Variants in SEMA6A observed in about 807,000 individuals in gnomAD.
SEMA6A encodes semaphorin 6A.
Under a neutral mutation model 96.8 loss-of-function variants are expected in SEMA6A, and 25 were observed. The observed-to-expected ratio is 0.26, with a 90% confidence interval of 0.19 to 0.36. The LOEUF (loss-of-function observed/expected upper bound fraction) is 0.36. Among genes scored for constraint, SEMA6A ranks in the 10% least tolerant of loss-of-function variants. The pLI is 1.00. For missense variants in SEMA6A, 1,363 were observed against 1,323.1 expected (o/e 1.03, Z -0.47); for synonymous variants, 612 against 518.0 (o/e 1.18, Z -2.46).
At chr5:116,448,994 C>A (rs916973309) in intron 18 of SEMA6A, among the ~76,000 whole-genome samples, 1 of 152,180 alleles carries the variant, frequency 6.6e-6, no homozygotes, top group African/African-American at 2.4e-5. Flanking sequence ...TACACCCATC[C>A]GTAATCTTAC....
At chr5:116,555,742 A>C (rs1355188972) in intron 1 of SEMA6A, among the ~76,000 whole-genome samples, 1 of 152,140 alleles carries the variant, frequency 6.6e-6, no homozygotes, top group Non-Finnish European at 1.5e-5. Flanking sequence ...CAGGAGGATC[A>C]CTTGAGCCCA....
At chr5:116,502,580 T>A (rs1757937765) in intron 2 of SEMA6A, 2 of 423,048 alleles carry the variant, frequency 4.7e-6, no homozygotes, top group Non-Finnish European at 4.2e-6. Context: ...TCACAATTTT[T>A]GATTTGTCTC....
At chr5:116,543,153 A>G (rs1393713109) in intron 1 of SEMA6A, among the ~76,000 whole-genome samples, 2 of 152,206 alleles carry the variant, frequency 1.3e-5, no homozygotes, top group Admixed American at 6.5e-5. Flanking sequence ...TGTTATGACT[A>G]TAACCGGATT....
At chr5:116,541,638 G>A (rs1001066706) in intron 1 of SEMA6A, among the ~76,000 whole-genome samples, 6 of 152,122 alleles carry the variant, frequency 3.9e-5, no homozygotes, top group African/African-American at 1.4e-4. Context: ...ATCGAGACCA[G>A]CCTGGCCAAC....
intron 1 of SEMA6A, among the ~76,000 whole-genome samples, chr5:116,558,453 T>TAG (rs1328408714): frequency 2.8e-3 from 26 of 9,332 alleles, no homozygotes; most frequent in South Asian, 6.7e-3. Context: ...GGATTCTTTT[T>TAG]TTTTTTTTTT....
At chr5:116,513,355 A>G (rs143483614) in intron 1 of SEMA6A, among the ~76,000 whole-genome samples, 2,043 of 152,062 alleles carry the variant, frequency 0.013, 47 homozygotes, top group African/African-American at 0.042. Context: ...TCAAACTCCC[A>G]ACCTCAGGTG....
intron 1 of SEMA6A, among the ~76,000 whole-genome samples, chr5:116,547,119 G>A (rs957576670): frequency 1.3e-5 from 2 of 152,106 alleles, no homozygotes; most frequent in African/African-American, 2.4e-5. Context: ...TACTCTAAAA[G>A]GACTTTAAAA....
chr5:116,473,049 T>TACTGTAA (rs780298814), intron 17 of SEMA6A, 24 bp downstream of exon 17: 2 of 1,585,660 alleles, frequency 1.3e-6, no homozygotes, highest in Admixed American at 3.6e-5. Flanking sequence ...CAGTATGGAA[T>TACTGTAA]TATGAGAGTA....
intron 17 of SEMA6A, chr5:116,471,694 C>A (rs937628268): frequency 2.0e-5 from 3 of 152,146 alleles, no homozygotes; most frequent in African/African-American, 7.2e-5. Context: ...CACAAGGAGG[C>A]CAGTCAGGAG....
chr5:116,486,723 G>C (rs549727296), intron 10 of SEMA6A, 26 bp downstream of exon 10: 11 of 1,588,100 alleles, frequency 6.9e-6, no homozygotes, highest in Non-Finnish European at 9.5e-6. Context: ...GAATTGATGA[G>C]GTCAACACAG....
intron 6 of SEMA6A, among the ~76,000 whole-genome samples, chr5:116,494,236 C>T (rs915329986): frequency 2.6e-5 from 4 of 152,194 alleles, no homozygotes; most frequent in African/African-American, 4.8e-5. Flanking sequence ...CTCAATAGGC[C>T]ATTTCTTACT....
intron 11 of SEMA6A, 56 bp downstream of exon 11, chr5:116,482,388 G>A (rs191572604): frequency 7.1e-5 from 111 of 1,564,824 alleles, no homozygotes; most frequent in African/African-American, 5.1e-4. Context: ...ATTATCAGAG[G>A]TGCAAGCTTT....
intron 1 of SEMA6A, among the ~76,000 whole-genome samples, chr5:116,540,009 G>A (rs1375328293): frequency 1.3e-5 from 2 of 151,922 alleles, no homozygotes; most frequent in African/African-American, 4.8e-5. Flanking sequence ...TTTTCTGTTC[G>A]TTTTCCTTTC....
intron 1 of SEMA6A, among the ~76,000 whole-genome samples, chr5:116,567,929 A>G (rs967649748): frequency 3.3e-5 from 5 of 152,372 alleles, no homozygotes; most frequent in Middle Eastern, 6.8e-3. Context: ...TGGTACTCCT[A>G]TGACCTTGCC....
chr5:116,495,439 AG>A lies in SEMA6A; in HGVS notation c.417del (p.Phe140SerfsTer48). 6.2e-7 allele frequency: 1 copy of A among 1,610,542 alleles called. No individual in the cohort carries two copies. On this transcript the variant is annotated frameshift_variant, in exon 6 of 19. Coordinates refer to ENST00000343348, the MANE Select transcript of SEMA6A (RefSeq NM_020796.5). LOFTEE classifies it high-confidence loss of function. ...TTATAGTTTCTGCAGGAAGGGTTGAAGGCATTAGTTCCACAGACAAACAATG... is the reference window on the plus strand; with the variant it reads ...TTATAGTTTCTGCAGGAAGGGTTGAAGCATTAGTTCCACAGACAAACAATG... ...DDALFVCGTNAFNPSCRNYKM... is the reference protein window; with the variant it reads ...DDALFVCGTNXFNPSCRNYKM...
At chr5:116,469,924 A>C (rs1756006550) in intron 17 of SEMA6A, among the ~76,000 whole-genome samples, 1 of 152,194 alleles carries the variant, frequency 6.6e-6, no homozygotes, top group South Asian at 2.1e-4. Flanking sequence ...CCTATCACTG[A>C]AGTGTTAGTC....
Position 116,568,927 on chromosome 5 carries a change from G to A in SEMA6A, c.-39+5258C>T, listed in dbSNP as rs530243625. ...AAAAACATGATATAGAAAAACAAAG[G>A]CAGACAAAATAGATAAAATAAAGAC... On this transcript the variant is annotated intron_variant, in intron 1 of 18. Coordinates refer to ENST00000343348, the MANE Select transcript of SEMA6A (RefSeq NM_020796.5). Among the ~76,000 whole-genome samples, 86 of 152,114 alleles carry A rather than the reference G, an allele frequency of 5.7e-4. No individual in the cohort carries two copies. The South Asian group carries it at 0.014, about 25-fold the overall frequency.
At position 116,467,612 on chromosome 5, in the gene SEMA6A, A is replaced by C. The variant is rs115147784; in HGVS notation, c.1865T>G (p.Val622Gly). Residue 622 changes from valine (V) to glycine (G), a missense_variant, in exon 18 of 19, where the codon GTG becomes GGG. This residue lies in a region of SEMA6A where 883 missense variants were observed against 763.6 expected (regional missense o/e 1.16). Transcript: ENST00000343348. Reference sequence around the variant, plus strand: ...CTTGTCTTGGTGATTATGGGAAGACACTGCCCCCAAAGGGTCTGTGCTGTC... The same window carrying C: ...CTTGTCTTGGTGATTATGGGAAGACCCTGCCCCCAAAGGGTCTGTGCTGTC... ...SPDSTDPLGA[V>G]SSHNHQDKKG... is the part of the protein sequence containing the mutation. 1 of 1,613,162 alleles carries C rather than the reference A, an allele frequency of 6.2e-7. No individual in the cohort carries two copies. Among genetic ancestry groups the C allele is most frequent in the Non-Finnish European group, 8.5e-7 (1 of 1,179,662 alleles).
chr5:116,528,206 G>A (rs1032943518), intron 1 of SEMA6A, among the ~76,000 whole-genome samples: 8 of 152,150 alleles, frequency 5.3e-5, no homozygotes, highest in Admixed American at 2.0e-4. Context: ...TATAGTACCC[G>A]ATTTGCTTCT....
Sources: allele counts gnomAD v4.1 joint callset (sites outside exome capture counted in the v4.1 genomes callset), GRCh38; gene constraint gnomAD v4.1.1; regional missense constraint gnomAD v4.1.1; transcripts MANE v1.5; gene names NCBI Gene and HGNC (gene_info 2026-07-23, HGNC 2026-07-21).